GPC6: variants seen among roughly 807,000 people sequenced by gnomAD.
The protein encoded by GPC6 is glypican 6, also known as glypican-6.
Under a neutral mutation model 55.2 loss-of-function variants are expected in GPC6, and 14 were observed. The ratio of observed to expected loss-of-function variants is 0.25; its 90% CI spans 0.17 to 0.40. The LOEUF (loss-of-function observed/expected upper bound fraction) is 0.40. GPC6 is among the 10% of genes least tolerant of loss of function. GPC6 has a pLI of 1.00. For missense variants in GPC6, 641 were observed against 708.5 expected, an observed-to-expected ratio of 0.90 and a Z score of 1.08; for synonymous variants, 278 against 259.6, an observed-to-expected ratio of 1.07 and a Z score of -0.68.
intron 1 of GPC6, among the ~76,000 whole-genome samples, chr13:93,523,474 CACACAT>C (rs1170016523): frequency 4.0e-5 from 6 of 150,916 alleles, no homozygotes; most frequent in Admixed American, 2.6e-4. Flanking sequence ...TGACATTTTA[CACACAT>C]ACACATACAT....
At position 93,879,989 on chromosome 13, in the gene GPC6, G is replaced by A. The variant is rs953064347; in HGVS notation, c.711+49444G>A. 2.8e-4 allele frequency among the ~76,000 whole-genome samples: 43 copies of A among 151,268 alleles called. 1 individual carries two copies. Among genetic ancestry groups the A allele is most frequent in the African/African-American group, 1.0e-3 (42 of 41,330 alleles). ...ATGCTCATCATCACTGGCCATCAGA[G>A]AAATGCAAATCAAAACCACAATGAG... On this transcript the variant is annotated intron_variant, in intron 3 of 8. Coordinates refer to ENST00000377047, the MANE Select transcript of GPC6 (RefSeq NM_005708.5).
At chr13:93,255,089 C>G (rs1214458849) in intron 1 of GPC6, among the ~76,000 whole-genome samples, 1 of 152,170 alleles carries the variant, frequency 6.6e-6, no homozygotes, top group Non-Finnish European at 1.5e-5. Flanking sequence ...GAGTCAAATG[C>G]ACGAAGCAGC....
At chr13:93,954,847 A>G (rs1436125028) in intron 3 of GPC6, among the ~76,000 whole-genome samples, 1 of 152,138 alleles carries the variant, frequency 6.6e-6, no homozygotes, top group Admixed American at 6.5e-5. Flanking sequence ...TAGTAACTCT[A>G]TGTATGTCCA....
intron 2 of GPC6, among the ~76,000 whole-genome samples, chr13:93,626,488 A>G (rs923165340): frequency 2.6e-5 from 4 of 152,138 alleles, no homozygotes; most frequent in Admixed American, 1.3e-4. Context: ...CCCTTGTATT[A>G]GTCCATTCTT....
chr13:93,800,791 G>A (rs546136900), intron 2 of GPC6, among the ~76,000 whole-genome samples: 222 of 152,156 alleles, frequency 1.5e-3, no homozygotes, highest in Admixed American at 2.6e-3. Context: ...CTATCAGTGT[G>A]AACATCAACC....
At chr13:94,052,041 C>T (rs1362106130) in intron 4 of GPC6, among the ~76,000 whole-genome samples, 1 of 152,026 alleles carries the variant, frequency 6.6e-6, no homozygotes. Context: ...AAGACATGGC[C>T]TCTGTTACAC....
intron 2 of GPC6, among the ~76,000 whole-genome samples, chr13:93,822,252 C>G (rs1887074136): frequency 6.6e-6 from 1 of 151,956 alleles, no homozygotes; most frequent in Admixed American, 6.6e-5. Context: ...AACATTTTAA[C>G]TATCCTTTTG....
At chr13:93,512,779 G>C (rs969946009) in intron 1 of GPC6, among the ~76,000 whole-genome samples, 3 of 152,014 alleles carry the variant, frequency 2.0e-5, no homozygotes, top group Non-Finnish European at 4.4e-5. Flanking sequence ...AAAATTTGTA[G>C]CTAAATGGTA....
intron 1 of GPC6, among the ~76,000 whole-genome samples, chr13:93,261,370 A>G (rs1171341891): frequency 1.3e-5 from 2 of 152,156 alleles, no homozygotes; most frequent in Non-Finnish European, 2.9e-5. Flanking sequence ...GATTCTTCTT[A>G]ATGATGAATC....
At chr13:93,748,857 A>T (rs534966896) in intron 2 of GPC6, among the ~76,000 whole-genome samples, 7 of 151,492 alleles carry the variant, frequency 4.6e-5, no homozygotes, top group African/African-American at 1.7e-4. Context: ...ATGTTCTTCC[A>T]TTATTGTTAC....
chr13:93,535,191 A>C (rs2139418442), intron 1 of GPC6, among the ~76,000 whole-genome samples: 1 of 152,244 alleles, frequency 6.6e-6, no homozygotes, highest in South Asian at 2.1e-4. Flanking sequence ...ATTATGAAGA[A>C]CCTTTGGCAA....
At chr13:93,622,878 G>T (rs980894233) in intron 2 of GPC6, among the ~76,000 whole-genome samples, 2 of 151,992 alleles carry the variant, frequency 1.3e-5, no homozygotes, top group Non-Finnish European at 2.9e-5. Flanking sequence ...TTGTAATTCT[G>T]TACCCATTAA....
At chr13:93,436,379 A>G (rs141544853) in intron 1 of GPC6, among the ~76,000 whole-genome samples, 114 of 152,298 alleles carry the variant, frequency 7.5e-4, no homozygotes, top group African/African-American at 2.7e-3. Context: ...AGACCACATT[A>G]AAAATATTGT....
Position 93,227,342 on chromosome 13 carries a change from A to T in GPC6, c.-115A>T, listed in dbSNP as rs1594038850. 9.8e-7 allele frequency: 1 copy of T among 1,016,632 alleles called. No homozygotes were observed. Among genetic ancestry groups the T allele is most frequent in the Admixed American group, 2.2e-5 (1 of 45,210 alleles). The allele number at this position is 1,016,632 out of a possible 1,614,324, so 63.0% of individuals were successfully genotyped here. ...TCCCCTCGGCTGGCAGAAGGGGGTGACGCTGGGCAGCGGCGAGGAGCGCGC... is the reference window on the plus strand; with the variant it reads ...TCCCCTCGGCTGGCAGAAGGGGGTGTCGCTGGGCAGCGGCGAGGAGCGCGC... On this transcript the variant is annotated 5_prime_UTR_variant, in exon 1 of 9. Coordinates refer to ENST00000377047, the MANE Select transcript of GPC6 (RefSeq NM_005708.5). The surrounding 1 kb of genome is among the most constrained non-coding windows in gnomAD (Gnocchi z 4.3).
intron 1 of GPC6, among the ~76,000 whole-genome samples, chr13:93,388,676 T>C (rs34448529): frequency 0.068 from 10,395 of 152,278 alleles, 438 homozygotes; most frequent in African/African-American, 0.11. Context: ...CATAGTCTCT[T>C]CCACCTTCCC....
chr13:93,275,918 A>G (rs1436962886), intron 1 of GPC6, among the ~76,000 whole-genome samples: 1 of 152,144 alleles, frequency 6.6e-6, no homozygotes, highest in Non-Finnish European at 1.5e-5. Context: ...TCTGTCGCCC[A>G]GGCTGGAGTG....
At chr13:93,929,113 C>T (rs1878018868) in intron 3 of GPC6, among the ~76,000 whole-genome samples, 1 of 152,148 alleles carries the variant, frequency 6.6e-6, no homozygotes, top group Admixed American at 6.5e-5. Flanking sequence ...CAGATCTTCA[C>T]TGTCTACAAG....
chr13:93,789,595 C>CTATA (rs1885941957), intron 2 of GPC6, among the ~76,000 whole-genome samples: 1 of 54,202 alleles, frequency 1.8e-5, no homozygotes. Flanking sequence ...ATATATAATA[C>CTATA]TACATATATA....
chr13:93,249,564 G>T (rs1186806547), intron 1 of GPC6, among the ~76,000 whole-genome samples: 1 of 152,198 alleles, frequency 6.6e-6, no homozygotes, highest in East Asian at 1.9e-4. Flanking sequence ...GGAAAAAAAT[G>T]TTAAACATAA....
Sources: allele counts gnomAD v4.1 joint callset (sites outside exome capture counted in the v4.1 genomes callset), GRCh38; gene constraint gnomAD v4.1.1; non-coding constraint Gnocchi (gnomAD v3.1); transcripts MANE v1.5; gene names NCBI Gene and HGNC (gene_info 2026-07-23, HGNC 2026-07-21).